Variants in NCK2 observed in about 807,000 individuals in gnomAD.
NCK2 encodes the protein NCK adaptor protein 2, also known as cytoplasmic protein NCK2.
Under a neutral mutation model 33.9 loss-of-function variants are expected in NCK2, and 16 were observed. The observed-to-expected ratio is 0.47, with a 90% CI of 0.32 to 0.72. The LOEUF is 0.72. NCK2 is among the 30% of genes least tolerant of loss of function. NCK2 has a pLI of 0.03. For missense variants in NCK2, 418 were observed against 537.3 expected (o/e 0.78, Z 2.19); for synonymous variants, 273 against 239.9 (o/e 1.14, Z -1.27).
intron 3 of NCK2, among the ~76,000 whole-genome samples, chr2:105,872,679 A>T (rs1302135730): frequency 6.6e-6 from 1 of 152,262 alleles, no homozygotes; most frequent in Non-Finnish European, 1.5e-5. Context: ...AAAGAGGTAC[A>T]GCCAGAGGTG....
At chr2:105,885,456 TAAAG>T (rs540132786) in intron 4 of NCK2, among the ~76,000 whole-genome samples, 1 of 152,226 alleles carries the variant, frequency 6.6e-6, no homozygotes, top group African/African-American at 2.4e-5. Context: ...TAATATTTCT[TAAAG>T]AAATTATAAC....
chr2:105,877,173 T>C (rs974618556), intron 3 of NCK2, among the ~76,000 whole-genome samples: 3 of 152,076 alleles, frequency 2.0e-5, no homozygotes, highest in African/African-American at 7.2e-5. Flanking sequence ...TCTTGGTGCA[T>C]TTTTCTCTTC....
At chr2:105,803,614 C>T (rs1271097960) in intron 1 of NCK2, among the ~76,000 whole-genome samples, 1 of 152,088 alleles carries the variant, frequency 6.6e-6, no homozygotes, top group Non-Finnish European at 1.5e-5. Context: ...AAAGCAAGTC[C>T]TCATGCCCCT....
chr2:105,778,706 A>AT (rs1417602315), intron 1 of NCK2, among the ~76,000 whole-genome samples: 11 of 151,950 alleles, frequency 7.2e-5, no homozygotes, highest in Admixed American at 5.9e-4. Flanking sequence ...GATAATGGTT[A>AT]TTTTTTTCTT....
intron 1 of NCK2, among the ~76,000 whole-genome samples, chr2:105,805,024 C>G (rs981007650): frequency 1.3e-5 from 2 of 152,212 alleles, no homozygotes; most frequent in African/African-American, 4.8e-5. Context: ...TTATCCAGAG[C>G]CTGCCATGGG....
intron 1 of NCK2, among the ~76,000 whole-genome samples, chr2:105,770,893 A>C (rs1690113635): frequency 1.3e-5 from 2 of 150,512 alleles, no homozygotes; most frequent in South Asian, 4.2e-4. Flanking sequence ...TGTTAATATC[A>C]TGATTTCTTT....
chr2:105,889,864 G>A (rs1415265256), intron 4 of NCK2, among the ~76,000 whole-genome samples: 3 of 152,190 alleles, frequency 2.0e-5, no homozygotes, highest in Non-Finnish European at 1.5e-5. Context: ...GGGATTACAG[G>A]TGTGAGCTTC....
intron 3 of NCK2, among the ~76,000 whole-genome samples, chr2:105,878,849 A>T (rs1573240215): frequency 6.6e-6 from 1 of 152,226 alleles, no homozygotes; most frequent in Admixed American, 6.5e-5. Flanking sequence ...GCAATGTTCC[A>T]GTCTTGATGG....
chr2:105,774,408 G>C (rs944088138), intron 1 of NCK2, among the ~76,000 whole-genome samples: 4 of 152,132 alleles, frequency 2.6e-5, no homozygotes, highest in Admixed American at 1.3e-4. Context: ...ATGATGGTCT[G>C]ACTGGTCTGA....
intron 4 of NCK2, among the ~76,000 whole-genome samples, chr2:105,887,475 C>G (rs1485739479): frequency 6.6e-6 from 1 of 152,160 alleles, no homozygotes; most frequent in Admixed American, 6.5e-5. Flanking sequence ...AGTCCAGGGT[C>G]TGTGTGGAAG....
At chr2:105,760,183 C>T (rs189142840) in intron 1 of NCK2, among the ~76,000 whole-genome samples, 92 of 152,288 alleles carry the variant, frequency 6.0e-4, no homozygotes, top group African/African-American at 2.1e-3. Flanking sequence ...TATCTATTCT[C>T]CCAAAAGGGA....
At chr2:105,865,820 G>T (rs928024227) in intron 3 of NCK2, among the ~76,000 whole-genome samples, 2 of 152,084 alleles carry the variant, frequency 1.3e-5, no homozygotes, top group African/African-American at 4.8e-5. Flanking sequence ...TCTGCAAACA[G>T]ATATTCCTCA....
intron 3 of NCK2, among the ~76,000 whole-genome samples, chr2:105,861,367 C>G (rs1209259827): frequency 6.6e-6 from 1 of 152,164 alleles, no homozygotes; most frequent in East Asian, 1.9e-4. Context: ...AAGTCTGGCT[C>G]GTGCACCAGG....
intron 1 of NCK2, among the ~76,000 whole-genome samples, chr2:105,772,866 C>T (rs1690178218): frequency 6.6e-6 from 1 of 150,390 alleles, no homozygotes; most frequent in South Asian, 2.1e-4. Flanking sequence ...GTGTTCCTGG[C>T]GACCTCCCAC....
intron 2 of NCK2, among the ~76,000 whole-genome samples, chr2:105,848,155 C>G (rs1032771215): frequency 1.3e-5 from 2 of 152,204 alleles, no homozygotes; most frequent in South Asian, 4.1e-4. Context: ...TTGTCCAGCA[C>G]AGACTGAGTG....
rs1264595534 is a variant in NCK2, at chr2:105,744,987, G to A, written c.-352G>A. The A allele has an allele frequency of 1.4e-5, 2 of 140,530 alleles. No individual in the cohort carries two copies. The highest frequency in any genetic ancestry group is 2.6e-5 in the African/African-American group (1 of 37,886). The allele number at this position is 140,530 out of a possible 1,614,324, so 8.7% of individuals were successfully genotyped here. ...CGGCCGGGAGGCTCGCGGCGCCCGGGCCGGCAGGGTCCGCCCGGGCCGGCA... is the reference window on the plus strand; with the variant it reads ...CGGCCGGGAGGCTCGCGGCGCCCGGACCGGCAGGGTCCGCCCGGGCCGGCA... On this transcript the variant is annotated 5_prime_UTR_variant, in exon 1 of 5. Coordinates refer to ENST00000233154, the MANE Select transcript of NCK2 (RefSeq NM_003581.5).
At chr2:105,867,599 G>T (rs1206961124) in intron 3 of NCK2, among the ~76,000 whole-genome samples, 3 of 152,120 alleles carry the variant, frequency 2.0e-5, no homozygotes, top group African/African-American at 7.3e-5. Context: ...GGAAGTGAAG[G>T]TGGGGTCCGT....
chr2:105,750,037 A>ACACACACACAC (rs1553449506), intron 1 of NCK2, among the ~76,000 whole-genome samples: 5 of 144,554 alleles, frequency 3.5e-5, no homozygotes, highest in East Asian at 2.1e-4. Flanking sequence ...AAAGCAAACA[A>ACACACACACAC]ACACACACAC....
intron 1 of NCK2, among the ~76,000 whole-genome samples, chr2:105,806,708 G>A (rs1182344369): frequency 7.0e-6 from 1 of 142,964 alleles, no homozygotes; most frequent in African/African-American, 2.5e-5. Context: ...TACTTAATGA[G>A]GGAAAAAAAT....
Sources: gnomAD v4.1 joint callset for allele counts (sites outside exome capture counted in the v4.1 genomes callset) on GRCh38, gnomAD v4.1.1 for gene constraint, MANE v1.5 for transcripts, NCBI Gene and HGNC (gene_info 2026-07-23, HGNC 2026-07-21) for gene names.